The following SOX6 variants were observed in gnomAD, a reference collection of about 807,000 sequenced individuals.
SOX6 encodes the protein transcription factor SOX-6.
SOX6 carries 11 observed loss-of-function variants against 97.8 expected under a neutral mutation model. The ratio of observed to expected loss-of-function variants is 0.11; its 90% CI spans 0.07 to 0.19. The LOEUF is 0.19. Among genes scored for constraint, SOX6 ranks in the 10% least tolerant of loss-of-function variants. The pLI, the probability that SOX6 is intolerant of heterozygous loss-of-function variation, is 1.00. For missense variants in SOX6, 810 were observed against 1,039.5 expected (o/e 0.78, Z 3.04); for synonymous variants, 360 against 371.4 (o/e 0.97, Z 0.35).
At chr11:16,402,724 T>A (rs1353616453) in intron 1 of SOX6, 10 of 1,610,532 alleles carry the variant, frequency 6.2e-6, no homozygotes, top group Non-Finnish European at 8.5e-6. Context: ...AGGTATTTGT[T>A]CCATCACCTG....
At chr11:15,991,379 C>T (rs1272672682) in intron 13 of SOX6, among the ~76,000 whole-genome samples, 1 of 152,118 alleles carries the variant, frequency 6.6e-6, no homozygotes, top group Non-Finnish European at 1.5e-5. Context: ...GACTGCTGGG[C>T]CAGATGAAGG....
At chr11:16,000,260 G>A (rs1854364551) in intron 13 of SOX6, among the ~76,000 whole-genome samples, 1 of 152,206 alleles carries the variant, frequency 6.6e-6, no homozygotes, top group South Asian at 2.1e-4. Flanking sequence ...ACATTCCATG[G>A]CGGAGCAAGA....
intron 1 of SOX6, among the ~76,000 whole-genome samples, chr11:16,352,272 A>ATGGG (rs1856968737): frequency 6.6e-6 from 1 of 151,650 alleles, no homozygotes; most frequent in Non-Finnish European, 1.5e-5. Flanking sequence ...GGATGGATGG[A>ATGGG]TGGATGGATG....
At chr11:16,152,692 G>C (rs910627965) in intron 6 of SOX6, among the ~76,000 whole-genome samples, 4 of 151,794 alleles carry the variant, frequency 2.6e-5, no homozygotes, top group South Asian at 2.1e-4. Context: ...CACACACACA[G>C]AGAGACTCAC....
chr11:16,231,419 T>C (rs972615513), intron 4 of SOX6, among the ~76,000 whole-genome samples: 2 of 151,722 alleles, frequency 1.3e-5, no homozygotes, highest in Non-Finnish European at 3.0e-5. Context: ...AAAAAACTCA[T>C]TAAATCAACA....
intron 4 of SOX6, among the ~76,000 whole-genome samples, chr11:16,515,239 T>C (rs1490631246): frequency 5.9e-5 from 9 of 151,748 alleles, no homozygotes; most frequent in South Asian, 2.1e-4. Flanking sequence ...GATCGCCACT[T>C]TAACTGGTGT....
chr11:16,593,660 A>G (rs1014974391), intron 4 of SOX6, among the ~76,000 whole-genome samples: 7 of 152,220 alleles, frequency 4.6e-5, no homozygotes, highest in South Asian at 2.1e-4. Context: ...ACTTTCATAG[A>G]AAAATGACAA....
At chr11:16,708,262 A>G (rs894559556) in intron 3 of SOX6, among the ~76,000 whole-genome samples, 2 of 152,162 alleles carry the variant, frequency 1.3e-5, no homozygotes, top group African/African-American at 2.4e-5. Context: ...TCAGCAGAAA[A>G]TTCAGATTTT....
chr11:16,055,923 C>T (rs1286821968), intron 9 of SOX6, 22 bp from the exon 10 acceptor site: 1 of 1,612,756 alleles, frequency 6.2e-7, no homozygotes, highest in African/African-American at 1.3e-5. Flanking sequence ...GGAAGACAAA[C>T]ATTGATCTCT....
intron 6 of SOX6, among the ~76,000 whole-genome samples, chr11:16,116,507 G>A (rs868330939): frequency 1.3e-5 from 2 of 152,166 alleles, no homozygotes; most frequent in Middle Eastern, 3.4e-3. Context: ...TATGATTATT[G>A]GTGATAATAA....
chr11:16,025,501 GTC>G (rs765573534), intron 12 of SOX6, among the ~76,000 whole-genome samples: 172 of 152,228 alleles, frequency 1.1e-3, no homozygotes, highest in Non-Finnish European at 1.2e-3. Context: ...CTAAGCAAAT[GTC>G]TTTGTCCAAA....
chr11:16,126,756 T>G (rs948730360), intron 6 of SOX6, among the ~76,000 whole-genome samples: 4 of 152,278 alleles, frequency 2.6e-5, no homozygotes, highest in African/African-American at 9.6e-5. Context: ...AAGCTCTAAC[T>G]GTCTAAAGAA....
At chr11:16,243,372 G>A (rs1853248031) in intron 3 of SOX6, among the ~76,000 whole-genome samples, 1 of 151,848 alleles carries the variant, frequency 6.6e-6, no homozygotes, top group African/African-American at 2.4e-5. Context: ...GTCAGGGAAT[G>A]TTTCTGATAC....
intron 3 of SOX6, among the ~76,000 whole-genome samples, chr11:16,294,566 T>A (rs1339866803): frequency 3.3e-5 from 5 of 152,096 alleles, no homozygotes; most frequent in Non-Finnish European, 7.4e-5. Flanking sequence ...AAAACTCAAA[T>A]GCTAGAAAAA....
chr11:16,716,487 T>C (rs1051917969), intron 2 of SOX6, among the ~76,000 whole-genome samples: 1 of 152,216 alleles, frequency 6.6e-6, no homozygotes. Flanking sequence ...ATTTCAATGG[T>C]TGTAAAGGAA....
chr11:16,660,713 G>A (rs1847759504), intron 3 of SOX6, among the ~76,000 whole-genome samples: 1 of 152,196 alleles, frequency 6.6e-6, no homozygotes, highest in Admixed American at 6.5e-5. Flanking sequence ...AGCTCTTATA[G>A]ATGGGATTAG....
At chr11:16,043,131 C>A (rs757181205) in intron 12 of SOX6, among the ~76,000 whole-genome samples, 1 of 152,154 alleles carries the variant, frequency 6.6e-6, no homozygotes, top group Non-Finnish European at 1.5e-5. Context: ...AATTAAAATT[C>A]TGTTATGTAT....
intron 1 of SOX6, among the ~76,000 whole-genome samples, chr11:16,426,125 G>A (rs1448436488): frequency 1.3e-5 from 2 of 150,938 alleles, no homozygotes; most frequent in Non-Finnish European, 3.0e-5. Context: ...GCGTGGTGGT[G>A]GGCGCCTGTA....
chr11:16,098,574 T>G (rs976208941), intron 7 of SOX6, among the ~76,000 whole-genome samples: 1 of 151,832 alleles, frequency 6.6e-6, no homozygotes, highest in East Asian at 1.9e-4. Context: ...AAACATATCA[T>G]GACAGAGGTA....
Sources: gnomAD v4.1 joint callset for allele counts (sites outside exome capture counted in the v4.1 genomes callset) on GRCh38, gnomAD v4.1.1 for gene constraint, MANE v1.5 for transcripts, NCBI Gene and HGNC (gene_info 2026-07-23, HGNC 2026-07-21) for gene names.